CNTNAP2: variants seen among roughly 807,000 people sequenced by gnomAD.
CNTNAP2 encodes the protein contactin associated protein 2.
A neutral mutation model predicts 155.2 loss-of-function variants in CNTNAP2; 98 were observed. That is an observed-to-expected ratio of 0.63 (90% CI 0.54 to 0.75). CNTNAP2 has a LOEUF of 0.75. Among genes scored for constraint, CNTNAP2 ranks in the 30% least tolerant of loss-of-function variants. The pLI is 0.00. For synonymous variants in CNTNAP2, 651 were observed against 631.2 expected (o/e 1.03, Z -0.47); for missense variants, 1,727 against 1,688.1 (o/e 1.02, Z -0.40).
rs887030217 is a variant in CNTNAP2 at position 147,108,877 on chromosome 7, A to G, written c.754+527A>G. On this transcript the variant is annotated intron_variant, in intron 5 of 23. Transcript: ENST00000361727. ...AAGGAATTAGCCATGAAAACATGAG[A>G]GAAAGAAGATTACATAGGAAGAGAA... Among the ~76,000 whole-genome samples the G allele has an allele frequency of 5.3e-5, 8 of 152,270 alleles. No homozygotes were observed. The East Asian group carries it at 1.5e-3, about 29-fold the overall frequency.
chr7:148,406,302 G>A (rs1563076217), intron 22 of CNTNAP2, among the ~76,000 whole-genome samples: 3 of 152,106 alleles, frequency 2.0e-5, no homozygotes, highest in Admixed American at 1.3e-4. Flanking sequence ...AGGAGGTCAG[G>A]AAATTTCTGC....
chr7:147,318,428 T>TTTTG (rs982830756), intron 9 of CNTNAP2, among the ~76,000 whole-genome samples: 5 of 152,194 alleles, frequency 3.3e-5, no homozygotes, highest in African/African-American at 4.8e-5. Context: ...AGCAACCCTC[T>TTTTG]TTTGTTTGTT....
intron 13 of CNTNAP2, among the ~76,000 whole-genome samples, chr7:147,645,763 T>C (rs1400719581): frequency 6.6e-6 from 1 of 152,138 alleles, no homozygotes; most frequent in Non-Finnish European, 1.5e-5. Flanking sequence ...GAAAGATTCA[T>C]ATGAGTTAAC....
chr7:147,253,908 T>C (rs1447797359), intron 8 of CNTNAP2, among the ~76,000 whole-genome samples: 5 of 152,310 alleles, frequency 3.3e-5, no homozygotes, highest in African/African-American at 9.6e-5. Context: ...GGCATCAGTC[T>C]TATTCCTATT....
chr7:148,125,602 T>C (rs1051797576), intron 16 of CNTNAP2, among the ~76,000 whole-genome samples: 1 of 152,104 alleles, frequency 6.6e-6, no homozygotes, highest in Non-Finnish European at 1.5e-5. Context: ...TTCCATGATG[T>C]ATATGTACCA....
Position 147,902,842 on chromosome 7 carries a change from G to A in CNTNAP2, c.2099-723G>A, listed in dbSNP as rs1349625174. On this transcript the variant is annotated intron_variant, in intron 13 of 23. Coordinates refer to ENST00000361727, the MANE Select transcript of CNTNAP2 (RefSeq NM_014141.6). ...TGTGTGTGTGTGTGTGTGTGTGTGT[G>A]TATGAGAAACAGTTTATTTATCCAT... 4.0e-5 allele frequency among the ~76,000 whole-genome samples: 5 copies of A among 123,834 alleles called. No homozygotes were observed. The East Asian group carries it at 1.1e-3, about 28-fold the overall frequency. The allele number at this position is 123,834 out of a possible 152,430, so 81.2% of individuals were successfully genotyped here. A position where few individuals can be genotyped will look rare whatever the true frequency, so the allele number is the denominator to read the frequency against.
chr7:146,306,622 A>G (rs1404563264), intron 1 of CNTNAP2, among the ~76,000 whole-genome samples: 1 of 152,170 alleles, frequency 6.6e-6, no homozygotes, highest in Non-Finnish European at 1.5e-5. Flanking sequence ...AATCCATCAT[A>G]TAAATAGAAC....
intron 1 of CNTNAP2, among the ~76,000 whole-genome samples, chr7:146,683,905 G>A (rs186547138): frequency 1.6e-4 from 24 of 151,930 alleles, no homozygotes; most frequent in Non-Finnish European, 2.8e-4. Flanking sequence ...ACACTTTGAC[G>A]ATTTGTGAGA....
intron 1 of CNTNAP2, among the ~76,000 whole-genome samples, chr7:146,616,246 T>A (rs2129155113): frequency 6.6e-6 from 1 of 152,138 alleles, no homozygotes; most frequent in South Asian, 2.1e-4. Context: ...AAGCAAAGGA[T>A]CACGGTGAGG....
intron 2 of CNTNAP2, among the ~76,000 whole-genome samples, chr7:146,808,682 A>G (rs1803011263): frequency 6.6e-6 from 1 of 152,210 alleles, no homozygotes; most frequent in Non-Finnish European, 1.5e-5. Context: ...AATTGGAAGT[A>G]TACATGATTT....
At chr7:147,357,539 CCTTT>C (rs767565759) in intron 9 of CNTNAP2, among the ~76,000 whole-genome samples, 4 of 151,524 alleles carry the variant, frequency 2.6e-5, no homozygotes, top group African/African-American at 9.7e-5. Context: ...TTTTTTTTGC[CCTTT>C]CTTCTTCCAG....
At chr7:146,330,156 G>C (rs1239703007) in intron 1 of CNTNAP2, among the ~76,000 whole-genome samples, 1 of 151,296 alleles carries the variant, frequency 6.6e-6, no homozygotes, top group Non-Finnish European at 1.5e-5. Flanking sequence ...CCAAGTAGCT[G>C]GGACTACAGG....
intron 1 of CNTNAP2, among the ~76,000 whole-genome samples, chr7:146,494,370 T>A (rs866952073): frequency 2.0e-5 from 3 of 151,442 alleles, no homozygotes; most frequent in Admixed American, 6.6e-5. Flanking sequence ...AATAAATAAA[T>A]AAAAATAAAA....
At chr7:147,758,306 A>C (rs548629188) in intron 13 of CNTNAP2, among the ~76,000 whole-genome samples, 1 of 152,346 alleles carries the variant, frequency 6.6e-6, no homozygotes, top group African/African-American at 2.4e-5. Context: ...GTATCTCTTA[A>C]AAGATTACTG....
chr7:148,277,720 A>G (rs1796898314), intron 21 of CNTNAP2, among the ~76,000 whole-genome samples: 1 of 151,906 alleles, frequency 6.6e-6, no homozygotes, highest in East Asian at 1.9e-4. Context: ...CTCTGGGCCA[A>G]AGCTTAGCTC....
intron 1 of CNTNAP2, among the ~76,000 whole-genome samples, chr7:146,119,547 T>C (rs544686902): frequency 6.6e-6 from 1 of 152,242 alleles, no homozygotes; most frequent in South Asian, 2.1e-4. Context: ...TTCCTGTAAA[T>C]GTAGATACAC....
chr7:147,547,630 A>AACAC lies in CNTNAP2; in HGVS notation c.1778-14490_1778-14487dup, dbSNP rs55909556. On this transcript the variant is annotated intron_variant, in intron 11 of 23. Coordinates refer to ENST00000361727, the MANE Select transcript of CNTNAP2 (RefSeq NM_014141.6). Reference sequence around the variant, plus strand: ...TTTTGTTTTGTCTTTATTTCTTCTAAACACACACACACACACACACAACAA... The same window carrying AACAC: ...TTTTGTTTTGTCTTTATTTCTTCTAAACACACACACACACACACACACACAACAA... Among the ~76,000 whole-genome samples, 458 of 116,058 alleles carry AACAC rather than the reference A, an allele frequency of 3.9e-3. 1 individual carries two copies. Among genetic ancestry groups the AACAC allele is most frequent in the African/African-American group, 0.016 (425 of 26,714 alleles). 76.1% of individuals were successfully genotyped at this position (116,058 alleles called of 152,430 possible).
At position 146,311,963 on chromosome 7, in the gene CNTNAP2, T is replaced by A. The variant is rs1433432862; in HGVS notation, c.97+194990T>A. On this transcript the variant is annotated intron_variant, in intron 1 of 23. Coordinates refer to ENST00000361727, the MANE Select transcript of CNTNAP2 (RefSeq NM_014141.6). The stretch of plus-strand genomic sequence containing the variant: ...ATAAATCATATTTAAACAACTACTC[T>A]AGTAAATTGATCAAAGTCTGGTTAG... 2.0e-5 allele frequency: 3 copies of A among 152,154 alleles called. No homozygotes were observed. In the South Asian group the frequency reaches 6.2e-4, roughly 32 times the overall value. 9.4% of individuals were successfully genotyped at this position (152,154 alleles called of 1,614,324 possible).
chr7:146,422,815 G>C (rs1796031629), intron 1 of CNTNAP2, among the ~76,000 whole-genome samples: 1 of 152,098 alleles, frequency 6.6e-6, no homozygotes, highest in African/African-American at 2.4e-5. Flanking sequence ...AGTAGTGATA[G>C]TCTGCCCATT....
Sources: allele counts gnomAD v4.1 joint callset (sites outside exome capture counted in the v4.1 genomes callset), GRCh38; gene constraint gnomAD v4.1.1; transcripts MANE v1.5; gene names NCBI Gene and HGNC (gene_info 2026-07-23, HGNC 2026-07-21).